HEATR3: variants seen among roughly 807,000 people sequenced by gnomAD.
The protein encoded by HEATR3 is HEAT repeat-containing protein 3.
In HEATR3, 56 loss-of-function variants were observed where a neutral mutation model predicts 72.8. The ratio of observed to expected loss-of-function variants is 0.77; its 90% CI spans 0.62 to 0.96. The LOEUF (loss-of-function observed/expected upper bound fraction) is 0.96. Among genes scored for constraint, HEATR3 ranks in the 40% least tolerant of loss-of-function variants. The pLI is 0.00. For missense variants in HEATR3, 747 were observed against 831.4 expected (o/e 0.90, Z 1.25); for synonymous variants, 331 against 318.1 (o/e 1.04, Z -0.43).
chr16:50,070,318 TG>T, intron 4 of HEATR3, 28 bp downstream of exon 4: 1 of 1,163,106 alleles, frequency 8.6e-7, no homozygotes, highest in South Asian at 1.3e-5. Context: ...CACAGTCTCC[TG>T]CTATAGCAGT....
chr16:50,072,032 T>C (rs75060879), intron 4 of HEATR3, among the ~76,000 whole-genome samples: 15 of 152,374 alleles, frequency 9.8e-5, no homozygotes, highest in Non-Finnish European at 1.5e-4. Flanking sequence ...GAATAAAATA[T>C]AATTTTATTT....
chr16:50,100,260 T>C lies in HEATR3; in HGVS notation c.1630T>C (p.Cys544Arg), dbSNP rs1597179586. ...GACTCCTGATCAGCTGATGACATTA[T>C]GCAAAGCAGGCATTCATAGTAGTAA... ...CMTPDQLMTLCKAGIHSSNVG... is the reference protein window; with the variant it reads ...CMTPDQLMTLRKAGIHSSNVG... Residue 544 changes from cysteine to arginine, a missense_variant, in exon 13 of 15, where the codon TGC becomes CGC. Transcript: ENST00000299192. The C allele has an allele frequency of 3.7e-6, 6 of 1,614,036 alleles. No homozygotes were observed. The highest frequency in any genetic ancestry group is 4.2e-6 in the Non-Finnish European group (5 of 1,179,966).
At chr16:50,102,563 C>T (rs2150630761) in intron 14 of HEATR3, 128 bp downstream of exon 14, 1 of 695,798 alleles carries the variant, frequency 1.4e-6, no homozygotes, top group Non-Finnish European at 2.3e-6. Context: ...ACAGCATCCC[C>T]AGTACTTTGT....
intron 7 of HEATR3, among the ~76,000 whole-genome samples, chr16:50,079,260 A>G (rs917688709): frequency 1.3e-5 from 2 of 152,244 alleles, no homozygotes; most frequent in African/African-American, 4.8e-5. Context: ...GAGATGGGAT[A>G]GACCTATCCT....
chr16:50,076,171 A>G (rs1003899214), intron 6 of HEATR3, among the ~76,000 whole-genome samples: 2 of 82,192 alleles, frequency 2.4e-5, no homozygotes, highest in African/African-American at 3.8e-5. Context: ...TTATGTTGAG[A>G]GATTTTTTTT....
intron 3 of HEATR3, 118 bp from the exon 4 acceptor site, chr16:50,070,060 C>T: frequency 3.9e-6 from 2 of 508,782 alleles, no homozygotes; most frequent in South Asian, 5.9e-5. Context: ...AAGGATTCGA[C>T]TGGCTTGTTA....
intron 3 of HEATR3, chr16:50,069,135 G>T: frequency 3.7e-6 from 1 of 267,590 alleles, no homozygotes; most frequent in Non-Finnish European, 7.1e-6. Context: ...AAAATAATTA[G>T]TATTTAGTCA....
chr16:50,075,058 T>TAAAAAATA, intron 5 of HEATR3: 1 of 74,766 alleles, frequency 1.3e-5, no homozygotes, highest in Non-Finnish European at 3.1e-5. Context: ...GGCTCATGCC[T>TAAAAAATA]GTAATCCCAG....
At chr16:50,096,178 A>C (rs2037230524) in intron 12 of HEATR3, among the ~76,000 whole-genome samples, 1 of 151,896 alleles carries the variant, frequency 6.6e-6, no homozygotes, top group Admixed American at 6.6e-5. Flanking sequence ...TACAAAAGTT[A>C]GCTGGGCATG....
intron 14 of HEATR3, among the ~76,000 whole-genome samples, chr16:50,104,391 G>C (rs1428231719): frequency 2.0e-5 from 3 of 151,706 alleles, no homozygotes; most frequent in Non-Finnish European, 4.4e-5. Flanking sequence ...CTAACCTCTG[G>C]CTAACAAAGG....
At chr16:50,075,259 G>A (rs140349086) in intron 5 of HEATR3, among the ~76,000 whole-genome samples, 167 of 149,320 alleles carry the variant, frequency 1.1e-3, no homozygotes, top group African/African-American at 3.9e-3. Context: ...AGAGGTTGTA[G>A]TGAGCTGAGA....
intron 11 of HEATR3, among the ~76,000 whole-genome samples, chr16:50,092,077 C>G (rs368753814): frequency 6.6e-6 from 1 of 152,000 alleles, no homozygotes. Flanking sequence ...TGGTGCACAC[C>G]TGTAATCCCA....
chr16:50,104,212 C>T (rs940162706), intron 14 of HEATR3, among the ~76,000 whole-genome samples: 3 of 151,970 alleles, frequency 2.0e-5, no homozygotes, highest in African/African-American at 7.3e-5. Flanking sequence ...ATTACTCCAG[C>T]ATGGTAGTGC....
chr16:50,090,352 C>T (rs1161986911), intron 11 of HEATR3, among the ~76,000 whole-genome samples: 2 of 151,486 alleles, frequency 1.3e-5, no homozygotes, highest in Non-Finnish European at 2.9e-5. Flanking sequence ...AGACTCTTAT[C>T]TCAATTAAAA....
chr16:50,075,845 C>A, intron 6 of HEATR3, 134 bp downstream of exon 6: 1 of 693,586 alleles, frequency 1.4e-6, no homozygotes, highest in Non-Finnish European at 2.4e-6. Context: ...ATTTTAATAT[C>A]TGAGAAGAGA....
intron 7 of HEATR3, among the ~76,000 whole-genome samples, chr16:50,079,572 G>T (rs1387853327): frequency 6.6e-6 from 1 of 152,156 alleles, no homozygotes; most frequent in Non-Finnish European, 1.5e-5. Flanking sequence ...CAGTAAAGGG[G>T]AACAATCTTG....
intron 6 of HEATR3, among the ~76,000 whole-genome samples, chr16:50,077,200 C>T (rs1006991645): frequency 9.3e-5 from 14 of 150,956 alleles, no homozygotes; most frequent in African/African-American, 2.4e-4. Flanking sequence ...TTAGTAGAGA[C>T]GAGGTTTCAC....
At position 50,083,917 on chromosome 16, in the gene HEATR3, C is replaced by CTTT. The variant is rs5816672; in HGVS notation, c.1042-6_1042-4dup. 5.4e-5 allele frequency: 76 copies of CTTT among 1,401,172 alleles called. No individual in the cohort carries two copies. The African/African-American group carries it at 8.8e-4, about 16-fold the overall frequency. The allele number at this position is 1,401,172 out of a possible 1,614,324, so 86.8% of individuals were successfully genotyped here. ...CCAACCATTGAGAGTTGGTCATTTACTTTTTTTTTTTTTTTTAAGCCCACT... is the reference window on the plus strand; with the variant it reads ...CCAACCATTGAGAGTTGGTCATTTACTTTTTTTTTTTTTTTTTTTAAGCCCACT... On this transcript the variant is annotated intron_variant, in intron 7 of 14. Transcript: ENST00000299192.
chr16:50,099,204 C>T (rs1030976805), intron 12 of HEATR3, among the ~76,000 whole-genome samples: 1 of 152,066 alleles, frequency 6.6e-6, no homozygotes, highest in Non-Finnish European at 1.5e-5. Context: ...ACCAGAAAAC[C>T]TTATACTCTA....
Sources: allele counts gnomAD v4.1 joint callset (sites outside exome capture counted in the v4.1 genomes callset), GRCh38; gene constraint gnomAD v4.1.1; transcripts MANE v1.5; gene names NCBI Gene and HGNC (gene_info 2026-07-23, HGNC 2026-07-21).